Variants in EMX2 observed in about 807,000 individuals in gnomAD.
EMX2 encodes the protein homeobox protein EMX2.
A neutral mutation model predicts 23.0 loss-of-function variants in EMX2; 6 were observed. That is an observed-to-expected ratio of 0.26 (90% confidence interval 0.14 to 0.52). The LOEUF (loss-of-function observed/expected upper bound fraction) is 0.52. Ranked by LOEUF, EMX2 falls within the 20% of genes least tolerant of loss-of-function variation. The pLI is 0.97. For synonymous variants in EMX2, 175 were observed against 153.3 expected (o/e 1.14, Z -1.04); for missense variants, 302 against 341.4 (o/e 0.88, Z 0.91).
intron 1 of EMX2, 112 bp from the exon 2 acceptor site, chr10:117,545,520 G>A (rs1846564421): frequency 7.5e-7 from 1 of 1,327,800 alleles, no homozygotes; most frequent in Non-Finnish European, 1.0e-6. Context: ...GTCGAGCGGC[G>A]CGGCTATGCG....
chr10:117,547,457 A>G (rs1194148279), intron 2 of EMX2, among the ~76,000 whole-genome samples: 1 of 152,172 alleles, frequency 6.6e-6, no homozygotes, highest in Non-Finnish European at 1.5e-5. Flanking sequence ...GGCCTCCTCC[A>G]GCCCCATCCC....
At chr10:117,546,475 GAGCC>G (rs1846580148) in intron 2 of EMX2, among the ~76,000 whole-genome samples, 1 of 152,148 alleles carries the variant, frequency 6.6e-6, no homozygotes, top group South Asian at 2.1e-4. Context: ...ACTGTACACG[GAGCC>G]GCAGGGCGGG....
chr10:117,546,295 A>G (rs372338493), intron 2 of EMX2, among the ~76,000 whole-genome samples: 36 of 152,210 alleles, frequency 2.4e-4, no homozygotes, highest in African/African-American at 8.4e-4. Flanking sequence ...GGCGATGGGA[A>G]GGTAGAGGGC....
chr10:117,543,519 A>G lies in EMX2; in HGVS notation c.252A>G (p.Pro84=), dbSNP rs751794084. The change falls in exon 1 of 3, where the codon CCA becomes CCG. Residue 84 remains proline, a synonymous_variant. Coordinates refer to ENST00000553456, the MANE Select transcript of EMX2 (RefSeq NM_004098.4). ...CGCACCCGCCCAACCCCGCCGTGCC[A>G]GTGCACCCGGTGCCGCCGCCGCACG... is the stretch of plus-strand genomic sequence containing the variant. ...AVSHPPNPAV[P]VHPVPPPHAL... 4.7e-5 allele frequency: 55 copies of G among 1,172,704 alleles called. No individual in the cohort carries two copies. In the East Asian group the frequency reaches 2.5e-3, roughly 54 times the overall value. 72.6% of individuals were successfully genotyped at this position (1,172,704 alleles called of 1,614,324 possible). A position where few individuals can be genotyped will look rare whatever the true frequency, so the allele number is the denominator to read the frequency against.
In EMX2 at chr10:117,548,674, A is replaced by G. The variant is rs1188677344; in HGVS notation, c.*442A>G. On this transcript the variant is annotated 3_prime_UTR_variant, in exon 3 of 3. Coordinates refer to ENST00000553456, the MANE Select transcript of EMX2 (RefSeq NM_004098.4). Reference sequence around the variant, plus strand: ...TTCCGTTTATCACAGTCCACTTAAAAAATGATGATGATGATAAAAACCACG... The same window carrying G: ...TTCCGTTTATCACAGTCCACTTAAAGAATGATGATGATGATAAAAACCACG... The G allele has an allele frequency of 7.2e-6, 3 of 416,130 alleles. No homozygotes were observed. The highest frequency in any genetic ancestry group is 4.1e-5 in the African/African-American group (2 of 48,748). 25.8% of individuals were successfully genotyped at this position (416,130 alleles called of 1,614,324 possible). A position where few individuals can be genotyped will look rare whatever the true frequency, so the allele number is the denominator to read the frequency against.
At position 117,548,577 on chromosome 10, in the gene EMX2, C is replaced by T. The variant is rs1846614645; in HGVS notation, c.*345C>T. 7.8e-6 allele frequency: 4 copies of T among 514,874 alleles called. No individual in the cohort carries two copies. Among genetic ancestry groups the T allele is most frequent in the Non-Finnish European group, 1.4e-5 (4 of 295,692 alleles). 31.9% of individuals were successfully genotyped at this position (514,874 alleles called of 1,614,324 possible). ...GAGAGAGAGAGAGAGAGAGAGAAAGCTGAACGTGCACTCTGACAAGGGGAG... is the reference window on the plus strand; with the variant it reads ...GAGAGAGAGAGAGAGAGAGAGAAAGTTGAACGTGCACTCTGACAAGGGGAG... On this transcript the variant is annotated 3_prime_UTR_variant, in exon 3 of 3. Coordinates refer to ENST00000553456, the MANE Select transcript of EMX2 (RefSeq NM_004098.4).
intron 1 of EMX2, chr10:117,544,525 G>C (rs1451918750): frequency 2.0e-5 from 3 of 152,142 alleles, no homozygotes; most frequent in African/African-American, 7.2e-5. Flanking sequence ...TTCAGAAAAA[G>C]GAGTAATTAG....
At position 117,543,523 on chromosome 10, in the gene EMX2, C is replaced by A. The variant is rs113852997; in HGVS notation, c.256C>A (p.His86Asn). 1 of 1,605,124 alleles carries A rather than the reference C, an allele frequency of 6.2e-7. No individual in the cohort carries two copies. Among genetic ancestry groups the A allele is most frequent in the African/African-American group, 1.3e-5 (1 of 74,152 alleles). ...SHPPNPAVPV[H>N]PVPPPHALAA... ...CCCGCCCAACCCCGCCGTGCCAGTGCACCCGGTGCCGCCGCCGCACGCCCT... is the reference window on the plus strand; with the variant it reads ...CCCGCCCAACCCCGCCGTGCCAGTGAACCCGGTGCCGCCGCCGCACGCCCT... Residue 86 changes from histidine to asparagine, a missense_variant, in exon 1 of 3, where the codon CAC (histidine) becomes AAC (asparagine). His to Asn is a moderately conservative substitution (Grantham distance 68, BLOSUM62 1). Transcript: ENST00000553456.
In EMX2 at chr10:117,548,245, A is replaced by G; in HGVS notation, c.*13A>G. On this transcript the variant is annotated 3_prime_UTR_variant, in exon 3 of 3. Transcript: ENST00000553456. ...CTCAGATGATTAAAAACATAAACCT[A>G]ACCCCACAGAAACGGACAACATGGA... 1 of 1,612,976 alleles carries G rather than the reference A, an allele frequency of 6.2e-7. No individual in the cohort carries two copies. Among genetic ancestry groups the G allele is most frequent in the Non-Finnish European group, 8.5e-7 (1 of 1,179,510 alleles).
intron 2 of EMX2, among the ~76,000 whole-genome samples, chr10:117,547,630 A>C (rs546655309): frequency 6.6e-6 from 1 of 152,386 alleles, no homozygotes; most frequent in South Asian, 2.1e-4. Flanking sequence ...GGGGAGCTGC[A>C]GCAGCGGCGG....
Position 117,548,168 on chromosome 10 carries a change from A to G in EMX2, c.695A>G (p.Asn232Ser). Residue 232 changes from asparagine (N) to serine (S), a missense_variant, in exon 3 of 3, where the codon AAC becomes AGC. By Grantham distance (46) the Asn-to-Ser change is conservative. Transcript: ENST00000553456. Reference sequence around the variant, plus strand: ...AAGAAAAAAGGGACGCACCATATTAACCGGTGGAGAATCGCCACCAAGCAG... The same window carrying G: ...AAGAAAAAAGGGACGCACCATATTAGCCGGTGGAGAATCGCCACCAAGCAG... ...QQKKKGTHHI[N>S]RWRIATKQAS... is the part of the protein sequence containing the mutation. The G allele has an allele frequency of 6.2e-7, 1 of 1,613,990 alleles. No homozygotes were observed. Among genetic ancestry groups the G allele is most frequent in the Middle Eastern group, 1.6e-4 (1 of 6,062 alleles).
intron 2 of EMX2, among the ~76,000 whole-genome samples, chr10:117,546,909 C>T (rs968509064): frequency 6.6e-6 from 1 of 152,264 alleles, no homozygotes; most frequent in Admixed American, 6.5e-5. Context: ...CAAGACGGAC[C>T]GGCCTGCGGC....
In EMX2 at chr10:117,548,258, C is replaced by G. The variant is rs146762820; in HGVS notation, c.*26C>G. The G allele has an allele frequency of 1.9e-6, 3 of 1,611,730 alleles. No homozygotes were observed. The East Asian group carries it at 6.7e-5, about 36-fold the overall frequency. On this transcript the variant is annotated 3_prime_UTR_variant, in exon 3 of 3. Transcript: ENST00000553456. The stretch of plus-strand genomic sequence containing the variant: ...AAACATAAACCTAACCCCACAGAAA[C>G]GGACAACATGGAGCAAAAGAGACAG...
chr10:117,543,186 C>CGCCGCGG lies in EMX2; in HGVS notation c.-79_-73dup. 1 of 1,188,540 alleles carries CGCCGCGG rather than the reference C, an allele frequency of 8.4e-7. No homozygotes were observed. The highest frequency in any genetic ancestry group is 1.1e-6 in the Non-Finnish European group (1 of 937,132). The allele number at this position is 1,188,540 out of a possible 1,614,324, so 73.6% of individuals were successfully genotyped here. On this transcript the variant is annotated 5_prime_UTR_variant, in exon 1 of 3. Coordinates refer to ENST00000553456, the MANE Select transcript of EMX2 (RefSeq NM_004098.4). ...CGAGTCCCCAATTCTCGTCCGTCCT[C>CGCCGCGG]GCCGCGGGCAGCGGGCGGCGGAGGC...
At chr10:117,544,337 G>T (rs920344934) in intron 1 of EMX2, 1 of 152,240 alleles carries the variant, frequency 6.6e-6, no homozygotes, top group African/African-American at 2.4e-5. Flanking sequence ...CAGCCACAGC[G>T]GGAAGGCAGG....
In EMX2 at chr10:117,543,203, G is replaced by T; in HGVS notation, c.-65G>T. ...TCCGTCCTCGCCGCGGGCAGCGGGCGGCGGAGGCAGCGTGCGGCGGTCGCC... is the reference window on the plus strand; with the variant it reads ...TCCGTCCTCGCCGCGGGCAGCGGGCTGCGGAGGCAGCGTGCGGCGGTCGCC... On this transcript the variant is annotated 5_prime_UTR_variant, in exon 1 of 3. Transcript: ENST00000553456. 8.1e-7 allele frequency: 1 copy of T among 1,232,484 alleles called. No homozygotes were observed. The highest frequency in any genetic ancestry group is 1.0e-6 in the Non-Finnish European group (1 of 974,144). 76.3% of individuals were successfully genotyped at this position (1,232,484 alleles called of 1,614,324 possible).
chr10:117,546,547 T>A (rs543968492), intron 2 of EMX2, among the ~76,000 whole-genome samples: 46 of 152,390 alleles, frequency 3.0e-4, no homozygotes, highest in African/African-American at 1.1e-3. Context: ...GTAACACTTT[T>A]CCTGGGCAGC....
In EMX2 at chr10:117,543,364, C is replaced by T. The variant is rs906303624; in HGVS notation, c.97C>T (p.Pro33Ser). 4 of 1,567,712 alleles carry T rather than the reference C, an allele frequency of 2.6e-6. No homozygotes were observed. The highest frequency in any genetic ancestry group is 1.4e-5 in the African/African-American group (1 of 73,560). The change falls in exon 1 of 3, where the codon CCC becomes TCC. Residue 33 changes from proline (P) to serine (S), a missense_variant. By Grantham distance (74) the Pro-to-Ser change is moderately conservative. This residue lies in a region of EMX2 where 221 missense variants were observed against 206.8 expected (regional missense o/e 1.07). Coordinates refer to ENST00000553456, the MANE Select transcript of EMX2 (RefSeq NM_004098.4). ...PASRSEDPIR[P>S]AALSYANSSP... The stretch of plus-strand genomic sequence containing the variant: ...CTCGCGCTCCGAGGACCCCATCCGT[C>T]CCGCGGCACTCAGCTACGCTAACTC...
At position 117,549,380 on chromosome 10, in the gene EMX2, T is replaced by A. The variant is rs879902462; in HGVS notation, c.*1148T>A. The stretch of plus-strand genomic sequence containing the variant: ...GCACTGAGTTTCTATTCCAAGATCA[T>A]AGACTTACTAAAGAGAGTGACAAAT... On this transcript the variant is annotated 3_prime_UTR_variant, in exon 3 of 3. Transcript: ENST00000553456. 1 of 152,670 alleles carries A rather than the reference T, an allele frequency of 6.6e-6. No individual in the cohort carries two copies. Among genetic ancestry groups the A allele is most frequent in the Admixed American group, 6.5e-5 (1 of 15,286 alleles). The allele number at this position is 152,670 out of a possible 1,614,324, so 9.5% of individuals were successfully genotyped here. A position where few individuals can be genotyped will look rare whatever the true frequency, so the allele number is the denominator to read the frequency against.
Sources: allele counts gnomAD v4.1 joint callset (sites outside exome capture counted in the v4.1 genomes callset), GRCh38; gene constraint gnomAD v4.1.1; regional missense constraint gnomAD v4.1.1; transcripts MANE v1.5; gene names NCBI Gene and HGNC (gene_info 2026-07-23, HGNC 2026-07-21).